TBRG1: variants seen among roughly 807,000 people sequenced by gnomAD.
The protein encoded by TBRG1 is nuclear interactor of ARF and MDM2.
A neutral mutation model predicts 44.0 loss-of-function variants in TBRG1; 31 were observed. That is an observed-to-expected ratio of 0.70 (90% CI 0.53 to 0.95). The LOEUF (loss-of-function observed/expected upper bound fraction) is 0.95. TBRG1 is among the 40% of genes least tolerant of loss of function. TBRG1 has a pLI of 0.00. For missense variants in TBRG1, 487 were observed against 496.1 expected (o/e 0.98, Z 0.18); for synonymous variants, 171 against 188.1 (o/e 0.91, Z 0.74).
Position 124,622,961 on chromosome 11 carries a change from A to C in TBRG1, c.-123A>C. ...GGTCAGCCCTGGGAACGTCCCGGAGAGCTAGATTCCTAGAGGCCCGATTCC... is the reference window on the plus strand; with the variant it reads ...GGTCAGCCCTGGGAACGTCCCGGAGCGCTAGATTCCTAGAGGCCCGATTCC... On this transcript the variant is annotated 5_prime_UTR_variant, in exon 1 of 9. Coordinates refer to ENST00000441174, the MANE Select transcript of TBRG1 (RefSeq NM_032811.3). The C allele has an allele frequency of 9.0e-7, 1 of 1,115,080 alleles. No individual in the cohort carries two copies. Among genetic ancestry groups the C allele is most frequent in the Non-Finnish European group, 1.2e-6 (1 of 807,142 alleles). 69.1% of individuals were successfully genotyped at this position (1,115,080 alleles called of 1,614,324 possible).
intron 5 of TBRG1, among the ~76,000 whole-genome samples, chr11:124,628,108 TATATATATACACAC>T (rs1942522070): frequency 3.1e-4 from 16 of 52,440 alleles, no homozygotes; most frequent in African/African-American, 1.4e-3. Flanking sequence ...TATATATATA[TATATATATACACAC>T]ACACACACAC....
intron 5 of TBRG1, among the ~76,000 whole-genome samples, chr11:124,628,102 TATATATATATATATACACACACACAC>T (rs1302296857): frequency 1.9e-5 from 1 of 51,426 alleles, no homozygotes; most frequent in African/African-American, 1.1e-4. Context: ...TATATATATA[TATATATATATATATACACACACACAC>T]ACACACACAC....
At position 124,630,823 on chromosome 11, in the gene TBRG1, C is replaced by A. The variant is rs1942592570; in HGVS notation, c.915C>A (p.Ile305=). The A allele has an allele frequency of 6.2e-7, 1 of 1,602,870 alleles. No individual in the cohort carries two copies. Residue 305 remains isoleucine (I), a synonymous_variant, in exon 7 of 9, where the codon ATC becomes ATA. Transcript: ENST00000441174. ...GFSHPAIHNL[I]QSCPGARKCI... ...CTCATCCAGCCATCCACAACCTGATCCAGAGCTGTCCAGGAGCTCGAAAAT... is the reference window on the plus strand; with the variant it reads ...CTCATCCAGCCATCCACAACCTGATACAGAGCTGTCCAGGAGCTCGAAAAT...
At chr11:124,624,109 A>G (rs1467097527) in intron 1 of TBRG1, among the ~76,000 whole-genome samples, 1 of 152,234 alleles carries the variant, frequency 6.6e-6, no homozygotes, top group East Asian at 1.9e-4. Flanking sequence ...GAAACAAGAA[A>G]AGTAAAACTA....
intron 8 of TBRG1, 168 bp downstream of exon 8, chr11:124,631,585 G>A (rs1047462390): frequency 1.4e-5 from 10 of 714,400 alleles, no homozygotes; most frequent in Non-Finnish European, 2.4e-5. Flanking sequence ...GGCCTGCATA[G>A]CTTCCTAGAT....
In TBRG1 at chr11:124,631,325, C is replaced by T. The variant is rs752460318; in HGVS notation, c.998C>T (p.Pro333Leu). The T allele has an allele frequency of 2.4e-5, 39 of 1,612,298 alleles. No individual in the cohort carries two copies. Among genetic ancestry groups the T allele is most frequent in the Non-Finnish European group, 3.0e-5 (35 of 1,179,048 alleles). ...DVCKPGDGQL[P>L]EGLPENDAAM... ...TGCAAACCTGGAGATGGGCAGCTAC[C>T]TGAGGGGCTGCCGGAGAATGATGCA... The change falls in exon 8 of 9, where the codon CCT becomes CTT. Residue 333 changes from proline to leucine, a missense_variant. By Grantham distance (98) the Pro-to-Leu change is moderately conservative. Transcript: ENST00000441174.
rs1358070068 is a variant in TBRG1, at chr11:124,622,910, T to G, written c.-174T>G. On this transcript the variant is annotated 5_prime_UTR_variant, in exon 1 of 9. Coordinates refer to ENST00000441174, the MANE Select transcript of TBRG1 (RefSeq NM_032811.3). The stretch of plus-strand genomic sequence containing the variant: ...GTGCTGGGAGGCGCCGGGAGCCCGT[T>G]CGGTTGCGGGTGTCTCTGGCCCTGC... 1 of 654,162 alleles carries G rather than the reference T, an allele frequency of 1.5e-6. No homozygotes were observed. Among genetic ancestry groups the G allele is most frequent in the Non-Finnish European group, 2.5e-6 (1 of 401,200 alleles). The allele number at this position is 654,162 out of a possible 1,614,324, so 40.5% of individuals were successfully genotyped here.
At position 124,625,866 on chromosome 11, in the gene TBRG1, G is replaced by T. The variant is rs978272937; in HGVS notation, c.417G>T (p.Glu139Asp). 6.4e-7 allele frequency: 1 copy of T among 1,570,380 alleles called. No individual in the cohort carries two copies. Among genetic ancestry groups the T allele is most frequent in the Non-Finnish European group, 8.6e-7 (1 of 1,162,030 alleles). ...EEPFGKKTKKEKKEKGKENNK... is the reference protein window; with the variant it reads ...EEPFGKKTKKDKKEKGKENNK... ...CATTTGGGAAGAAAACTAAGAAGGA[G>T]AAAAAAGAAAAAGGCAAAGAGAACA... is the stretch of plus-strand genomic sequence containing the variant. Residue 139 changes from glutamate (E) to aspartate (D), a missense_variant, in exon 3 of 9, where the codon GAG becomes GAT. By Grantham distance (45) the Glu-to-Asp change is conservative. Transcript: ENST00000441174.
intron 5 of TBRG1, among the ~76,000 whole-genome samples, chr11:124,628,112 TATATACACACACAC>T (rs1199917439): frequency 1.2e-4 from 6 of 51,322 alleles, no homozygotes; most frequent in African/African-American, 4.8e-4. Flanking sequence ...TATATATATA[TATATACACACACAC>T]ACACACACAC....
chr11:124,635,245 A>G lies in TBRG1; in HGVS notation c.*3007A>G, dbSNP rs1243666395. The G allele has an allele frequency of 5.9e-5, 9 of 152,186 alleles. No homozygotes were observed. The highest frequency in any genetic ancestry group is 5.9e-4 in the Admixed American group (9 of 15,276). The allele number at this position is 152,186 out of a possible 1,614,324, so 9.4% of individuals were successfully genotyped here. On this transcript the variant is annotated 3_prime_UTR_variant, in exon 9 of 9. Transcript: ENST00000441174. ...ATCTGTTACAAGGTTCATGGTTTCTATGGGGCCAGATGCATGAGAGGTCAA... is the reference window on the plus strand; with the variant it reads ...ATCTGTTACAAGGTTCATGGTTTCTGTGGGGCCAGATGCATGAGAGGTCAA...
chr11:124,623,089 C>T lies in TBRG1; in HGVS notation c.6C>T (p.Ser2=), dbSNP rs1942374501. The T allele has an allele frequency of 6.5e-7, 1 of 1,548,506 alleles. No individual in the cohort carries two copies. Among genetic ancestry groups the T allele is most frequent in the Admixed American group, 2.0e-5 (1 of 50,862 alleles). The change falls in exon 1 of 9, where the codon AGC becomes AGT. Residue 2 remains serine (S), a synonymous_variant. Transcript: ENST00000441174. Reference sequence around the variant, plus strand: ...CCCCGTAGCGGGGCTGGACCATGAGCCTGCTGGACGGCCTCGCTTCCTCGC... The same window carrying T: ...CCCCGTAGCGGGGCTGGACCATGAGTCTGCTGGACGGCCTCGCTTCCTCGC... M[S]LLDGLASSPR...
Position 124,634,698 on chromosome 11 carries a change from C to T in TBRG1, c.*2460C>T, listed in dbSNP as rs1942684064. 2 of 152,130 alleles carry T rather than the reference C, an allele frequency of 1.3e-5. No homozygotes were observed. The highest frequency in any genetic ancestry group is 6.6e-5 in the Admixed American group (1 of 15,262). 9.4% of individuals were successfully genotyped at this position (152,130 alleles called of 1,614,324 possible). A position where few individuals can be genotyped will look rare whatever the true frequency, so the allele number is the denominator to read the frequency against. On this transcript the variant is annotated 3_prime_UTR_variant, in exon 9 of 9. Transcript: ENST00000441174. ...AGGAAATTGGTTAAATAAAATGAGG[C>T]TTCCACAAACTGAAACACTCTAAAT...
intron 1 of TBRG1, 93 bp downstream of exon 1, chr11:124,623,326 T>C (rs937037789): frequency 2.0e-5 from 28 of 1,388,118 alleles, no homozygotes; most frequent in Non-Finnish European, 2.7e-5. Context: ...GTGACAGTAT[T>C]AATACAGTGT....
At chr11:124,630,651 G>A in intron 6 of TBRG1, 94 bp from the exon 7 acceptor site, 1 of 1,077,634 alleles carries the variant, frequency 9.3e-7, no homozygotes, top group Non-Finnish European at 1.4e-6. Flanking sequence ...AGTCAAGAAA[G>A]CTTATCCTGT....
intron 1 of TBRG1, among the ~76,000 whole-genome samples, chr11:124,624,238 G>A (rs2134321363): frequency 1.3e-5 from 2 of 151,858 alleles, no homozygotes; most frequent in South Asian, 4.2e-4. Context: ...ACATAATGAA[G>A]ATTTTGTGAA....
chr11:124,623,355 T>C (rs1311683629), intron 1 of TBRG1, 122 bp downstream of exon 1: 1 of 1,100,770 alleles, frequency 9.1e-7, no homozygotes, highest in Non-Finnish European at 1.3e-6. Flanking sequence ...CCGTATACGT[T>C]ACTACTTGTT....
Position 124,625,760 on chromosome 11 carries a change from T to C in TBRG1, c.311T>C (p.Leu104Pro). 1 of 1,569,170 alleles carries C rather than the reference T, an allele frequency of 6.4e-7. No homozygotes were observed. The highest frequency in any genetic ancestry group is 1.9e-5 in the Admixed American group (1 of 53,292). Residue 104 changes from leucine (L) to proline (P), a missense_variant, in exon 3 of 9, where the codon CTG becomes CCG. Transcript: ENST00000441174. The part of the protein sequence containing the change: ...AAPSHSSSLP[L>P]TYGVASSVGT... ...CCTTCCCACAGTTCCAGTTTGCCCC[T>C]GACTTATGGTGTGGCCAGCTCTGTG...
At chr11:124,623,454 A>C (rs372363579) in intron 1 of TBRG1, 1 of 665,510 alleles carries the variant, frequency 1.5e-6, no homozygotes. Context: ...AATGAATATT[A>C]AATGAGTAAA....
In TBRG1 at chr11:124,631,262, C is replaced by G. The variant is rs1195952395; in HGVS notation, c.948-13C>G. ...CAGATAACTCTCAAGGGTGATTTCC[C>G]TTGATTCTGCAGTTACCAGTGGGTG... is the stretch of plus-strand genomic sequence containing the variant. On this transcript the variant is annotated splice_polypyrimidine_tract_variant and intron_variant, in intron 7 of 8. Transcript: ENST00000441174. The G allele has an allele frequency of 1.9e-6, 3 of 1,552,338 alleles. No homozygotes were observed. Among genetic ancestry groups the G allele is most frequent in the Non-Finnish European group, 2.6e-6 (3 of 1,151,992 alleles).
Sources: gnomAD v4.1 joint callset for allele counts (sites outside exome capture counted in the v4.1 genomes callset) on GRCh38, gnomAD v4.1.1 for gene constraint, MANE v1.5 for transcripts, NCBI Gene and HGNC (gene_info 2026-07-23, HGNC 2026-07-21) for gene names.